MYO1C: variants seen among roughly 807,000 people sequenced by gnomAD.
MYO1C encodes myosin IC.
A neutral mutation model predicts 150.8 loss-of-function variants in MYO1C; 104 were observed. The observed-to-expected ratio is 0.69, with a 90% CI of 0.59 to 0.81. The LOEUF (loss-of-function observed/expected upper bound fraction) is 0.81, where lower values mean the gene tolerates loss of function less well. MYO1C is among the 30% of genes least tolerant of loss of function. The probability of loss-of-function intolerance (pLI) is 0.00; values close to 1 mark genes in which losing one functional copy is unlikely to be tolerated. For synonymous variants in MYO1C, 663 were observed against 579.9 expected, an observed-to-expected ratio of 1.14 and a Z score of -2.06; for missense variants, 1,504 against 1,435.0, an observed-to-expected ratio of 1.05 and a Z score of -0.78.
chr17:1,467,308 G>A lies in MYO1C; in HGVS notation c.3099C>T (p.Gly1033=). 6.2e-7 allele frequency: 1 copy of A among 1,613,474 alleles called. No individual in the cohort carries two copies. Among genetic ancestry groups the A allele is most frequent in the Non-Finnish European group, 8.5e-7 (1 of 1,179,826 alleles). ...ITFAGGPGRD[G]TIDFTPGSEL... ...CCGAGCCGGGTGTGAAGTCAATGGT[G>A]CCATCCCTGCCGGGGCCCCCTGCAA... Residue 1033 remains glycine (G), a synonymous_variant, in exon 31 of 32, where the codon GGC becomes GGT. Coordinates refer to ENST00000648651, the MANE Select transcript of MYO1C (RefSeq NM_001080779.2).
chr17:1,466,310 G>A (rs968766591), intron 31 of MYO1C, among the ~76,000 whole-genome samples: 2 of 151,840 alleles, frequency 1.3e-5, no homozygotes, highest in African/African-American at 2.4e-5. Context: ...ACAGGCATAC[G>A]CCACCACACC....
intron 13 of MYO1C, 58 bp downstream of exon 13, chr17:1,477,833 G>A (rs2150950720): frequency 6.7e-7 from 1 of 1,485,812 alleles, no homozygotes; most frequent in South Asian, 1.1e-5. Context: ...GAACGGAGAA[G>A]GGGGACATCC....
At chr17:1,473,653 T>C (rs2074347303) in intron 17 of MYO1C, among the ~76,000 whole-genome samples, 1 of 152,160 alleles carries the variant, frequency 6.6e-6, no homozygotes, top group South Asian at 2.1e-4. Context: ...TTCAGCTCGC[T>C]GGAGCCCTCC....
In MYO1C at chr17:1,467,742, TCCCCATCCACCCCCACACCCCCTATTC is replaced by T. The variant is rs1278329519; in HGVS notation, c.2967+71_2967+97del. 36 of 316,180 alleles carry T rather than the reference TCCCCATCCACCCCCACACCCCCTATTC, an allele frequency of 1.1e-4. 1 individual carries two copies. The highest frequency in any genetic ancestry group is 1.0e-3 in the Middle Eastern group (1 of 986). 19.6% of individuals were successfully genotyped at this position (316,180 alleles called of 1,614,324 possible). ...ATCTACCCCCATCCACCCTCCCACCTCCCCATCCACCCCCACACCCCCTATTCCCCCATCCACCCCACCTCCCCATCT... is the reference window on the plus strand; with the variant it reads ...ATCTACCCCCATCCACCCTCCCACCTCCCCATCCACCCCACCTCCCCATCT... On this transcript the variant is annotated intron_variant, in intron 29 of 31. Coordinates refer to ENST00000648651, the MANE Select transcript of MYO1C (RefSeq NM_001080779.2).
chr17:1,486,285 C>A (rs943713842), intron 1 of MYO1C: 1 of 152,362 alleles, frequency 6.6e-6, no homozygotes, highest in African/African-American at 2.4e-5. Context: ...GAGCCTCGAA[C>A]CCAGGAAGAT....
At chr17:1,477,845 C>G in intron 13 of MYO1C, 46 bp downstream of exon 13, 2 of 1,550,394 alleles carry the variant, frequency 1.3e-6, no homozygotes, top group African/African-American at 2.7e-5. Context: ...GGGACATCCT[C>G]CCACCCAGCC....
In MYO1C at chr17:1,472,159, C is replaced by A. The variant is rs766200110; in HGVS notation, c.1867G>T (p.Val623Phe). ...GCATCATTGGGTTTGATGCAGCGGA[C>A]GTAGGCGGGCTCCTTAGACTGCAGG... ...EILQSKEPAY[V>F]RCIKPNDAKQ... is the part of the protein sequence containing the mutation. Residue 623 changes from valine (V) to phenylalanine (F), a missense_variant, in exon 18 of 32, where the codon GTC becomes TTC. Coordinates refer to ENST00000648651, the MANE Select transcript of MYO1C (RefSeq NM_001080779.2). The A allele has an allele frequency of 9.9e-6, 16 of 1,614,120 alleles. No homozygotes were observed. The Admixed American group carries it at 1.5e-4, about 15-fold the overall frequency.
At chr17:1,483,578 G>T (rs997209051) in intron 3 of MYO1C, 32 bp downstream of exon 3, 6 of 1,518,110 alleles carry the variant, frequency 4.0e-6, no homozygotes, top group Non-Finnish European at 5.4e-6. Flanking sequence ...GGAGACAGAG[G>T]GGTCGCTCCC....
Position 1,471,204 on chromosome 17 carries a change from C to CG in MYO1C, c.2135+18dup, listed in dbSNP as rs765211654. 16 of 1,613,834 alleles carry CG rather than the reference C, an allele frequency of 9.9e-6. No individual in the cohort carries two copies. The highest frequency in any genetic ancestry group is 5.1e-6 in the Non-Finnish European group (6 of 1,179,814). On this transcript the variant is annotated intron_variant, in intron 20 of 31. Transcript: ENST00000648651. ...GCCACTCCCATTCCCCGCAGGCACC[C>CG]GGCACGGACACTACCCACCTGCCCA...
In MYO1C at chr17:1,492,384, T is replaced by C. The variant is rs1461007737; in HGVS notation, c.75+29A>G. On this transcript the variant is annotated intron_variant, in intron 1 of 31. Transcript: ENST00000648651. Reference sequence around the variant, plus strand: ...CGGCCTTGGGGAGACGCTCCCACCCTCCTCCCAGCCCAGAGCATCCCAGCT... The same window carrying C: ...CGGCCTTGGGGAGACGCTCCCACCCCCCTCCCAGCCCAGAGCATCCCAGCT... 6 of 1,580,704 alleles carry C rather than the reference T, an allele frequency of 3.8e-6. No homozygotes were observed. The African/African-American group carries it at 8.1e-5, about 21-fold the overall frequency.
Position 1,468,409 on chromosome 17 carries a change from G to C in MYO1C, c.2698C>G (p.Arg900Gly). Reference protein sequence around the residue: ...QSVPRLFISTRLGTDEISPRV... With the variant: ...QSVPRLFISTGLGTDEISPRV... ...TGGAAAGTCAGGGGCTCACCAAGCC[G>C]AGTGCTGATGAAGAGCCTGGGTACA... The change falls in exon 26 of 32, where the codon CGG becomes GGG. Residue 900 changes from arginine to glycine, a missense_variant. Transcript: ENST00000648651. 1 of 1,613,998 alleles carries C rather than the reference G, an allele frequency of 6.2e-7. No individual in the cohort carries two copies. Among genetic ancestry groups the C allele is most frequent in the South Asian group, 1.1e-5 (1 of 91,076 alleles).
At chr17:1,468,335 G>A in intron 26 of MYO1C, 27 bp from the exon 27 acceptor site, 1 of 1,614,102 alleles carries the variant, frequency 6.2e-7, no homozygotes, top group African/African-American at 1.3e-5. Context: ...GGGGAGGGAA[G>A]TCAGTGGAGG....
At chr17:1,483,579 G>A (rs1281205412) in intron 3 of MYO1C, 31 bp downstream of exon 3, 2 of 1,519,728 alleles carry the variant, frequency 1.3e-6, no homozygotes, top group Admixed American at 1.9e-5. Context: ...GAGACAGAGG[G>A]GTCGCTCCCG....
chr17:1,485,178 G>A, intron 1 of MYO1C: 1 of 1,188,788 alleles, frequency 8.4e-7, no homozygotes, highest in Non-Finnish European at 1.1e-6. Flanking sequence ...GGTGCAGGCT[G>A]AGCAAGACCC....
rs746482131 is a variant in MYO1C, at chr17:1,465,716, G to T, written c.*10C>A. 2.3e-6 allele frequency: 3 copies of T among 1,326,464 alleles called. 1 individual carries two copies. The highest frequency in any genetic ancestry group is 6.1e-5 in the Admixed American group (2 of 32,900). 82.2% of individuals were successfully genotyped at this position (1,326,464 alleles called of 1,614,324 possible). A position where few individuals can be genotyped will look rare whatever the true frequency, so the allele number is the denominator to read the frequency against. The stretch of plus-strand genomic sequence containing the variant: ...CATTGGGCGTTGGGAGGGTCCAGTG[G>T]GCGCCTTTATCACCGAGAATTCAGC... On this transcript the variant is annotated 3_prime_UTR_variant, in exon 32 of 32. Coordinates refer to ENST00000648651, the MANE Select transcript of MYO1C (RefSeq NM_001080779.2).
At chr17:1,477,152 T>C (rs2074416671) in intron 14 of MYO1C, 2 of 258,166 alleles carry the variant, frequency 7.7e-6, no homozygotes, top group African/African-American at 4.4e-5. Context: ...TTTCTCTTTT[T>C]TAAAAAATTC....
rs970729685 is a variant in MYO1C at position 1,492,359 on chromosome 17, C to G, written c.75+54G>C. 3 of 1,538,030 alleles carry G rather than the reference C, an allele frequency of 2.0e-6. No individual in the cohort carries two copies. In the African/African-American group the frequency reaches 4.1e-5, roughly 21 times the overall value. ...GAGGGCTCGCCTGAGAGGGGCTGCC[C>G]GGCCTTGGGGAGACGCTCCCACCCT... On this transcript the variant is annotated intron_variant, in intron 1 of 31. Transcript: ENST00000648651.
intron 1 of MYO1C, among the ~76,000 whole-genome samples, chr17:1,487,880 C>T (rs929567984): frequency 1.3e-5 from 2 of 152,216 alleles, no homozygotes; most frequent in Non-Finnish European, 2.9e-5. Flanking sequence ...GAGATTGTGC[C>T]ACTGCACTCC....
intron 1 of MYO1C, among the ~76,000 whole-genome samples, chr17:1,490,770 C>T (rs376858329): frequency 6.6e-6 from 1 of 152,168 alleles, no homozygotes; most frequent in African/African-American, 2.4e-5. Context: ...CCAGTTTACC[C>T]CACTGCTCCT....
Sources: gnomAD v4.1 joint callset for allele counts (sites outside exome capture counted in the v4.1 genomes callset) on GRCh38, gnomAD v4.1.1 for gene constraint, MANE v1.5 for transcripts, NCBI Gene and HGNC (gene_info 2026-07-23, HGNC 2026-07-21) for gene names.